Variants in NSMCE2 observed in about 807,000 individuals in gnomAD.
NSMCE2 encodes E3 SUMO-protein ligase NSE2.
A neutral mutation model predicts 23.8 loss-of-function variants in NSMCE2; 24 were observed. The ratio of observed to expected loss-of-function variants is 1.01; its 90% confidence interval spans 0.73 to 1.42. The LOEUF (loss-of-function observed/expected upper bound fraction) is 1.42, where lower values mean the gene tolerates loss of function less well. Ranked by LOEUF, NSMCE2 falls within the 40% of genes most tolerant of loss-of-function variation. The probability of loss-of-function intolerance (pLI) is 0.00; values close to 1 mark genes in which losing one functional copy is unlikely to be tolerated. For synonymous variants in NSMCE2, 92 were observed against 94.1 expected, an observed-to-expected ratio of 0.98 and a Z score of 0.13; for missense variants, 284 against 296.5, an observed-to-expected ratio of 0.96 and a Z score of 0.31.
chr8:125,274,672 G>C (rs1416978252), intron 5 of NSMCE2, among the ~76,000 whole-genome samples: 1 of 152,114 alleles, frequency 6.6e-6, no homozygotes, highest in East Asian at 1.9e-4. Flanking sequence ...GCTCATGCTG[G>C]TAATCCCAGC....
intron 1 of NSMCE2, among the ~76,000 whole-genome samples, chr8:125,096,356 G>T (rs1295480288): frequency 6.6e-6 from 1 of 152,146 alleles, no homozygotes; most frequent in East Asian, 1.9e-4. Context: ...CAAGTGTTTT[G>T]TCCTTACCTG....
intron 5 of NSMCE2, among the ~76,000 whole-genome samples, chr8:125,206,514 G>A (rs1176047403): frequency 6.6e-6 from 1 of 152,198 alleles, no homozygotes; most frequent in African/African-American, 2.4e-5. Context: ...TTGGAAAGGA[G>A]AGAATGAATG....
intron 3 of NSMCE2, among the ~76,000 whole-genome samples, chr8:125,108,110 G>T (rs140785968): frequency 1.3e-5 from 2 of 152,192 alleles, no homozygotes; most frequent in South Asian, 4.1e-4. Flanking sequence ...AAGAAATTAC[G>T]ATGAAAATAG....
intron 5 of NSMCE2, among the ~76,000 whole-genome samples, chr8:125,221,406 G>A (rs936168687): frequency 6.6e-6 from 1 of 152,278 alleles, no homozygotes; most frequent in South Asian, 2.1e-4. Flanking sequence ...ACCATGCCTG[G>A]CTAAGTTTTG....
At chr8:125,252,877 T>G (rs1441567762) in intron 5 of NSMCE2, among the ~76,000 whole-genome samples, 2 of 152,252 alleles carry the variant, frequency 1.3e-5, no homozygotes, top group Non-Finnish European at 2.9e-5. Context: ...GAGCCAAGGT[T>G]ATTTAAAGTG....
intron 1 of NSMCE2, among the ~76,000 whole-genome samples, chr8:125,095,363 A>G (rs529897014): frequency 6.6e-6 from 1 of 152,048 alleles, no homozygotes; most frequent in African/African-American, 2.4e-5. Context: ...CCGAGTTGGG[A>G]GGATCACTTG....
chr8:125,302,923 A>G (rs1000931322), intron 5 of NSMCE2, among the ~76,000 whole-genome samples: 1 of 152,160 alleles, frequency 6.6e-6, no homozygotes, highest in African/African-American at 2.4e-5. Context: ...GGGACAAAGA[A>G]TCTGAGCACA....
chr8:125,357,252 CAGA>C lies in NSMCE2; in HGVS notation c.455_457del (p.Glu152del), dbSNP rs746445100. The C allele has an allele frequency of 3.7e-6, 6 of 1,613,618 alleles. No individual in the cohort carries two copies. Among genetic ancestry groups the C allele is most frequent in the African/African-American group, 2.7e-5 (2 of 75,018 alleles). ...CAAGCTGACAGAGAAGCTGACGGAA[CAGA>C]AGGAGTGGATGAAGATATAATTGTG... On this transcript the variant is annotated inframe_deletion, in exon 6 of 8. Coordinates refer to ENST00000287437, the MANE Select transcript of NSMCE2 (RefSeq NM_173685.4).
At chr8:125,181,315 A>G (rs1822795603) in intron 4 of NSMCE2, among the ~76,000 whole-genome samples, 1 of 152,160 alleles carries the variant, frequency 6.6e-6, no homozygotes, top group Non-Finnish European at 1.5e-5. Flanking sequence ...TTCTTGAGAA[A>G]AGAGCCCGTT....
chr8:125,331,048 T>A (rs1293292603), intron 5 of NSMCE2, among the ~76,000 whole-genome samples: 1 of 152,190 alleles, frequency 6.6e-6, no homozygotes, highest in Non-Finnish European at 1.5e-5. Context: ...ACACCTGTAA[T>A]CCCAGCACTT....
At chr8:125,191,320 A>G (rs1226222382) in intron 5 of NSMCE2, among the ~76,000 whole-genome samples, 1 of 152,160 alleles carries the variant, frequency 6.6e-6, no homozygotes, top group African/African-American at 2.4e-5. Flanking sequence ...ACCACAGCCC[A>G]TGTTCTTTCC....
intron 1 of NSMCE2, among the ~76,000 whole-genome samples, chr8:125,099,273 G>A (rs1417649585): frequency 6.6e-6 from 1 of 152,084 alleles, no homozygotes; most frequent in African/African-American, 2.4e-5. Flanking sequence ...GTGGAGATTG[G>A]GAGGGCTTGC....
At chr8:125,331,530 CTT>C (rs1424347170) in intron 5 of NSMCE2, among the ~76,000 whole-genome samples, 2 of 151,790 alleles carry the variant, frequency 1.3e-5, no homozygotes, top group African/African-American at 4.8e-5. Context: ...GGTAGGAAAA[CTT>C]AGCATGGGAA....
intron 1 of NSMCE2, among the ~76,000 whole-genome samples, chr8:125,093,750 A>G (rs1817794472): frequency 6.6e-6 from 1 of 151,560 alleles, no homozygotes; most frequent in Non-Finnish European, 1.5e-5. Flanking sequence ...ATAGAAAGAA[A>G]ACTGAAGAGA....
rs1563650272 is a variant in NSMCE2 at position 125,102,278 on chromosome 8, T to G, written c.-14-39T>G. The G allele has an allele frequency of 2.9e-6, 4 of 1,396,958 alleles. No individual in the cohort carries two copies. The Admixed American group carries it at 5.2e-5, about 18-fold the overall frequency. 86.5% of individuals were successfully genotyped at this position (1,396,958 alleles called of 1,614,324 possible). On this transcript the variant is annotated intron_variant, in intron 2 of 7. Coordinates refer to ENST00000287437, the MANE Select transcript of NSMCE2 (RefSeq NM_173685.4). Reference sequence around the variant, plus strand: ...ATATTTTCCTGTGCAGTTATTATTCTGACTTACGAATCTTGTTTCATTGTG... The same window carrying G: ...ATATTTTCCTGTGCAGTTATTATTCGGACTTACGAATCTTGTTTCATTGTG...
chr8:125,251,598 T>A (rs1216495502), intron 5 of NSMCE2, among the ~76,000 whole-genome samples: 1 of 152,206 alleles, frequency 6.6e-6, no homozygotes, highest in Non-Finnish European at 1.5e-5. Context: ...TTTCCAAGTT[T>A]CCAGCATATA....
rs553408611 is a variant in NSMCE2 at position 125,114,127 on chromosome 8, C to T, written c.157+11640C>T. ...TCTAGGCCCTTGAAATTTAGAATTG[C>T]AGCATGTCCTTCATCCCACTCCTTT... On this transcript the variant is annotated intron_variant, in intron 3 of 7. Transcript: ENST00000287437. Among the ~76,000 whole-genome samples the T allele has an allele frequency of 2.6e-5, 4 of 152,212 alleles. No homozygotes were observed. The East Asian group carries it at 7.7e-4, about 29-fold the overall frequency.
At chr8:125,204,146 T>A (rs1296986333) in intron 5 of NSMCE2, among the ~76,000 whole-genome samples, 2 of 151,046 alleles carry the variant, frequency 1.3e-5, no homozygotes, top group African/African-American at 4.8e-5. Flanking sequence ...TCATGTGACC[T>A]TTTTTCCCCC....
chr8:125,152,410 C>T (rs920933957), intron 4 of NSMCE2, among the ~76,000 whole-genome samples: 1 of 152,200 alleles, frequency 6.6e-6, no homozygotes, highest in African/African-American at 2.4e-5. Flanking sequence ...TTTCATTAGT[C>T]TGGAGCAGGA....
Sources: allele counts gnomAD v4.1 joint callset (sites outside exome capture counted in the v4.1 genomes callset), GRCh38; gene constraint gnomAD v4.1.1; transcripts MANE v1.5; gene names NCBI Gene and HGNC (gene_info 2026-07-23, HGNC 2026-07-21).